DHX32: variants seen among roughly 807,000 people sequenced by gnomAD.
DHX32 encodes the protein DEAH-box helicase 32 (putative), also known as putative pre-mRNA-splicing factor ATP-dependent RNA helicase DHX32.
DHX32 carries 51 observed loss-of-function variants against 70.0 expected under a neutral mutation model. The observed-to-expected ratio is 0.73, with a 90% CI of 0.58 to 0.92. DHX32 has a LOEUF of 0.92. Among genes scored for constraint, DHX32 ranks in the 40% least tolerant of loss-of-function variants. DHX32 has a pLI of 0.00. For missense variants in DHX32, 762 were observed against 891.8 expected (o/e 0.85, Z 1.85); for synonymous variants, 310 against 315.3 (o/e 0.98, Z 0.18).
chr10:125,852,402 C>T lies in DHX32; in HGVS notation c.1242G>A (p.Thr414=), dbSNP rs911155924. 2.1e-5 allele frequency: 34 copies of T among 1,613,978 alleles called. No individual in the cohort carries two copies. Among genetic ancestry groups the T allele is most frequent in the Non-Finnish European group, 2.6e-5 (31 of 1,180,024 alleles). ...CCTGCATTTCTGCTGGCTTCAGTGGCGTCATGTCTTTGGAGGCAAATTCTT... is the reference window on the plus strand; with the variant it reads ...CCTGCATTTCTGCTGGCTTCAGTGGTGTCATGTCTTTGGAGGCAAATTCTT... ...YTEEFASKDM[T]PLKPAEMQEA... The change falls in exon 6 of 11, where the codon ACG becomes ACA. Residue 414 remains threonine, a synonymous_variant. Coordinates refer to ENST00000284690, the MANE Select transcript of DHX32 (RefSeq NM_018180.3).
At chr10:125,840,626 C>T (rs1228281067) in intron 8 of DHX32, among the ~76,000 whole-genome samples, 1 of 152,238 alleles carries the variant, frequency 6.6e-6, no homozygotes, top group African/African-American at 2.4e-5. Flanking sequence ...TCTGGAAGTA[C>T]AGGCCCGCCA....
At chr10:125,869,814 G>C (rs547202413) in intron 1 of DHX32, among the ~76,000 whole-genome samples, 31 of 152,258 alleles carry the variant, frequency 2.0e-4, no homozygotes, top group African/African-American at 7.2e-4. Context: ...ATACCGAACA[G>C]AGGATCTGAC....
intron 1 of DHX32, among the ~76,000 whole-genome samples, chr10:125,878,047 A>C (rs534975310): frequency 1.3e-5 from 2 of 152,338 alleles, no homozygotes; most frequent in East Asian, 3.9e-4. Flanking sequence ...TTAAAACTTA[A>C]GAGTAAAATA....
chr10:125,865,137 A>G (rs981507582), intron 2 of DHX32, among the ~76,000 whole-genome samples: 2 of 152,088 alleles, frequency 1.3e-5, no homozygotes, highest in Non-Finnish European at 2.9e-5. Context: ...AATTAAAAAC[A>G]TAATTCAAAG....
intron 6 of DHX32, among the ~76,000 whole-genome samples, chr10:125,850,258 G>C (rs1944072989): frequency 6.6e-6 from 1 of 150,564 alleles, no homozygotes; most frequent in African/African-American, 2.5e-5. Context: ...GATTACAGGT[G>C]TGAGCCACCA....
upstream of DHX32, among the ~76,000 whole-genome samples, chr10:125,883,500 C>T (rs1268925037): frequency 6.6e-6 from 1 of 152,182 alleles, no homozygotes; most frequent in Non-Finnish European, 1.5e-5. Flanking sequence ...CAAAGCTGAA[C>T]TTCCAGTCCA....
At chr10:125,859,999 T>C (rs776150673) in intron 2 of DHX32, 24 bp from the exon 3 acceptor site, 5 of 1,507,810 alleles carry the variant, frequency 3.3e-6, no homozygotes, top group Non-Finnish European at 4.4e-6. Context: ...ACATTAAAGT[T>C]AGAATATTCT....
chr10:125,855,446 CTGTT>C (rs1944138171), intron 3 of DHX32, among the ~76,000 whole-genome samples: 3 of 145,310 alleles, frequency 2.1e-5, no homozygotes, highest in Admixed American at 1.4e-4. Flanking sequence ...TCAAGATAAA[CTGTT>C]TTTTTTTTTT....
chr10:125,853,233 C>T (rs771453850), intron 4 of DHX32: 10 of 1,605,678 alleles, frequency 6.2e-6, no homozygotes, highest in East Asian at 2.2e-5. Flanking sequence ...GTTGGAATTG[C>T]TCTGTCATAA....
At chr10:125,854,420 C>A in intron 3 of DHX32, 1 of 366,376 alleles carries the variant, frequency 2.7e-6, no homozygotes, top group Non-Finnish European at 4.7e-6. Flanking sequence ...ATTGTTTTCC[C>A]ATTTAATTTT....
chr10:125,875,180 C>T (rs1204025394), intron 1 of DHX32, among the ~76,000 whole-genome samples: 2 of 152,102 alleles, frequency 1.3e-5, no homozygotes, highest in East Asian at 1.9e-4. Context: ...GATCATGCCA[C>T]TGCACTCCAG....
intron 8 of DHX32, among the ~76,000 whole-genome samples, chr10:125,839,444 A>G (rs1368434287): frequency 6.6e-6 from 1 of 152,208 alleles, no homozygotes; most frequent in Admixed American, 6.5e-5. Flanking sequence ...ATCCCAGCCA[A>G]CTGTGGAAAC....
intron 1 of DHX32, among the ~76,000 whole-genome samples, chr10:125,870,607 G>T (rs1393664419): frequency 6.6e-6 from 1 of 152,044 alleles, no homozygotes; most frequent in Non-Finnish European, 1.5e-5. Flanking sequence ...GGCCAAGGCG[G>T]GTGGATTATT....
rs549696239 is a variant in DHX32, at chr10:125,838,489, A to G, written c.1882-102T>C. ...AATACCAAAGTATTTTATACGGGAT[A>G]GTTAAAACTAACGTTTGCCACTCAT... On this transcript the variant is annotated intron_variant, in intron 9 of 10. Coordinates refer to ENST00000284690, the MANE Select transcript of DHX32 (RefSeq NM_018180.3). 30 of 1,102,258 alleles carry G rather than the reference A, an allele frequency of 2.7e-5. No homozygotes were observed. In the South Asian group the frequency reaches 5.7e-4, roughly 21 times the overall value. 68.3% of individuals were successfully genotyped at this position (1,102,258 alleles called of 1,614,324 possible).
chr10:125,895,373 G>A (rs1207905705), intron 1 of DHX32, among the ~76,000 whole-genome samples: 1 of 152,220 alleles, frequency 6.6e-6, no homozygotes, highest in African/African-American at 2.4e-5. Flanking sequence ...ATTAATAGAG[G>A]GGCCATAATC....
rs746736494 is a variant in DHX32 at position 125,838,370 on chromosome 10, A to C, written c.1899T>G (p.Asp633Glu). ...TCAGCATTAAGTAGTTACCTGATCC[A>C]TCAACATCCCGAGCAATCTGAAAGG... ...GYFMQIARDV[D>E]GSGNYLMLTH... The change falls in exon 10 of 11, where the codon GAT (aspartate) becomes GAG (glutamate). Residue 633 changes from aspartate to glutamate, a missense_variant. This residue lies in a region of DHX32 where 366 missense variants were observed against 402.6 expected (regional missense o/e 0.91). Transcript: ENST00000284690. 5 of 1,590,826 alleles carry C rather than the reference A, an allele frequency of 3.1e-6. No homozygotes were observed. The highest frequency in any genetic ancestry group is 3.4e-6 in the Non-Finnish European group (4 of 1,172,782).
chr10:125,836,942 T>C, intron 10 of DHX32, 87 bp from the exon 11 acceptor site: 2 of 1,163,658 alleles, frequency 1.7e-6, no homozygotes, highest in Non-Finnish European at 2.5e-6. Flanking sequence ...TTCCCATCCC[T>C]GGAGAATCTA....
chr10:125,870,448 T>C (rs1944249100), intron 1 of DHX32, among the ~76,000 whole-genome samples: 1 of 152,144 alleles, frequency 6.6e-6, no homozygotes, highest in South Asian at 2.1e-4. Context: ...TCTTGGCGAG[T>C]ATAATTGCCA....
chr10:125,880,814 T>A lies in DHX32; in HGVS notation c.11A>T (p.Glu4Val), dbSNP rs1944312856. 6.2e-7 allele frequency: 1 copy of A among 1,610,420 alleles called. No individual in the cohort carries two copies. The highest frequency in any genetic ancestry group is 1.7e-4 in the Middle Eastern group (1 of 6,034). Residue 4 changes from glutamate to valine, a missense_variant, in exon 1 of 11, where the codon GAA becomes GTA. This residue lies in a region of DHX32 where 394 missense variants were observed against 473.1 expected (regional missense o/e 0.83). Coordinates refer to ENST00000284690, the MANE Select transcript of DHX32 (RefSeq NM_018180.3). ...GGAAGAGTTTGGACACTCCAGCCCT[T>A]CTTCTTCCATCTTGTCTGACAGTGA... MEE[E>V]GLECPNSSSE...
Sources: gnomAD v4.1 joint callset for allele counts (sites outside exome capture counted in the v4.1 genomes callset) on GRCh38, gnomAD v4.1.1 for gene constraint, gnomAD v4.1.1 regional missense constraint, MANE v1.5 for transcripts, NCBI Gene and HGNC (gene_info 2026-07-23, HGNC 2026-07-21) for gene names.